The following KCNQ1 variants were observed in gnomAD, a reference collection of about 807,000 sequenced individuals.
KCNQ1 encodes potassium voltage-gated channel subfamily KQT member 1.
KCNQ1 carries 49 observed loss-of-function variants against 72.4 expected under a neutral mutation model. That is an observed-to-expected ratio of 0.68 (90% confidence interval 0.54 to 0.86). The LOEUF is 0.86. Ranked by LOEUF, KCNQ1 falls within the 40% of genes least tolerant of loss-of-function variation. KCNQ1 has a pLI of 0.00. For missense variants in KCNQ1, 790 were observed against 945.1 expected (o/e 0.84, Z 2.15); for synonymous variants, 450 against 412.6 (o/e 1.09, Z -1.10).
Position 2,761,911 on chromosome 11 carries a change from C to T in KCNQ1, c.1515-6933C>T, listed in dbSNP as rs368389934. Among the ~76,000 whole-genome samples the T allele has an allele frequency of 2.4e-3, 365 of 152,354 alleles. 3 individuals are homozygous for T. Among genetic ancestry groups the T allele is most frequent in the African/African-American group, 7.7e-3 (321 of 41,590 alleles). ...AGGGGAGGCCCGCAGCAGCTTCTAG[C>T]GGCCTGTGAAGCAGCCACGGGGCAT... is the stretch of plus-strand genomic sequence containing the variant. On this transcript the variant is annotated intron_variant, in intron 11 of 15. Transcript: ENST00000155840.
At chr11:2,797,842 C>A (rs1384242481) in intron 15 of KCNQ1, among the ~76,000 whole-genome samples, 1 of 152,174 alleles carries the variant, frequency 6.6e-6, no homozygotes, top group African/African-American at 2.4e-5. Flanking sequence ...GTGAAGCCAG[C>A]CGGTTCCCCC....
At chr11:2,644,450 G>A in intron 10 of KCNQ1, 1 of 397,894 alleles carries the variant, frequency 2.5e-6, no homozygotes. Context: ...TCTATCTCTT[G>A]GGCAAATTTC....
intron 2 of KCNQ1, among the ~76,000 whole-genome samples, chr11:2,555,815 G>A (rs1460671635): frequency 6.6e-6 from 1 of 152,232 alleles, no homozygotes; most frequent in Admixed American, 6.5e-5. Context: ...TGGGTTTTCT[G>A]GTGGAATGGG....
rs1846458942 is a variant in KCNQ1, at chr11:2,764,371, T to C, written c.1515-4473T>C. On this transcript the variant is annotated intron_variant, in intron 11 of 15. Coordinates refer to ENST00000155840, the MANE Select transcript of KCNQ1 (RefSeq NM_000218.3). The surrounding 1 kb of genome is among the most constrained non-coding windows in gnomAD (Gnocchi z 4.8). Reference sequence around the variant, plus strand: ...GTGACGCTGCTTGGTCCTTAGAGGGTAAACTCAGCATGCACAAGTGGATTA... The same window carrying C: ...GTGACGCTGCTTGGTCCTTAGAGGGCAAACTCAGCATGCACAAGTGGATTA... Among the ~76,000 whole-genome samples, 1 of 152,208 alleles carries C rather than the reference T, an allele frequency of 6.6e-6. No homozygotes were observed. The highest frequency in any genetic ancestry group is 2.4e-5 in the African/African-American group (1 of 41,460).
rs988245580 is a variant in KCNQ1 at position 2,783,359 on chromosome 11, G to T, written c.1794+5322G>T. On this transcript the variant is annotated intron_variant, in intron 15 of 15. Coordinates refer to ENST00000155840, the MANE Select transcript of KCNQ1 (RefSeq NM_000218.3). The surrounding 1 kb of genome is among the most constrained non-coding windows in gnomAD (Gnocchi z 5.2). ...TAGAATGTTTTGAAATATGATTTAC[G>T]GCAAAAATGTGGTCAATTTTTGTAA... 2.0e-5 allele frequency among the ~76,000 whole-genome samples: 3 copies of T among 151,956 alleles called. 1 individual carries two copies. The highest frequency in any genetic ancestry group is 4.4e-5 in the Non-Finnish European group (3 of 67,920).
intron 15 of KCNQ1, among the ~76,000 whole-genome samples, chr11:2,801,300 G>A (rs927868955): frequency 4.6e-5 from 7 of 152,218 alleles, no homozygotes; most frequent in African/African-American, 7.2e-5. Flanking sequence ...CTGTAGGGGC[G>A]GGCACTCACC....
intron 15 of KCNQ1, among the ~76,000 whole-genome samples, chr11:2,829,353 A>G (rs1847898748): frequency 6.6e-6 from 1 of 152,234 alleles, no homozygotes; most frequent in African/African-American, 2.4e-5. Context: ...AGTATTCTCA[A>G]TAGGATGAAA....
chr11:2,571,825 G>C (rs1264363083), intron 4 of KCNQ1, among the ~76,000 whole-genome samples, 188 bp from the exon 5 acceptor site: 2 of 152,134 alleles, frequency 1.3e-5, no homozygotes, highest in East Asian at 3.9e-4. Context: ...GCAGGCTCTG[G>C]GGGGCTGCGC....
rs751253543 is a variant in KCNQ1, at chr11:2,698,461, T to A, written c.1514+36380T>A. ...AGACTGAGACCTGCATCTGATCAAC[T>A]CTCATCTCCAATATGACCAAGAGAC... On this transcript the variant is annotated intron_variant, in intron 11 of 15. Transcript: ENST00000155840. The surrounding 1 kb of genome is among the most constrained non-coding windows in gnomAD (Gnocchi z 5.1). 7 of 398,262 alleles carry A rather than the reference T, an allele frequency of 1.8e-5. No homozygotes were observed. Among genetic ancestry groups the A allele is most frequent in the Non-Finnish European group, 2.7e-5 (6 of 226,048 alleles). 24.7% of individuals were successfully genotyped at this position (398,262 alleles called of 1,614,324 possible). A position where few individuals can be genotyped will look rare whatever the true frequency, so the allele number is the denominator to read the frequency against.
In KCNQ1 at chr11:2,648,906, T is replaced by C. The variant is rs549705930; in HGVS notation, c.1394-13055T>C. ...ACTCCAGTGTTGTTGGTTGCATATA[T>C]AATTGTTATATCTTCTTGCTGAATT... On this transcript the variant is annotated intron_variant, in intron 10 of 15. Coordinates refer to ENST00000155840, the MANE Select transcript of KCNQ1 (RefSeq NM_000218.3). The C allele has an allele frequency of 7.5e-6, 3 of 398,360 alleles. No homozygotes were observed. In the East Asian group the frequency reaches 1.1e-4, roughly 14 times the overall value. The allele number at this position is 398,360 out of a possible 1,614,324, so 24.7% of individuals were successfully genotyped here.
At chr11:2,517,343 C>T (rs1014097814) in intron 1 of KCNQ1, among the ~76,000 whole-genome samples, 2 of 152,076 alleles carry the variant, frequency 1.3e-5, no homozygotes, top group African/African-American at 2.4e-5. Context: ...GTGGGAAGCT[C>T]CTGGGACACC....
In KCNQ1 at chr11:2,809,598, G is replaced by A. The variant is rs1847446653; in HGVS notation, c.1794+31561G>A. Among the ~76,000 whole-genome samples, 1 of 152,072 alleles carries A rather than the reference G, an allele frequency of 6.6e-6. No homozygotes were observed. Among genetic ancestry groups the A allele is most frequent in the Non-Finnish European group, 1.5e-5 (1 of 68,028 alleles). On this transcript the variant is annotated intron_variant, in intron 15 of 15. Transcript: ENST00000155840. This position sits in a 1 kb window ranked among gnomAD's most constrained non-coding sequence, Gnocchi z 7.1. ...CTTCTCAGTTCTTCGTTTCCAGTTGGACTCATCTCCTGACTGGTTGGGTTT... is the reference window on the plus strand; with the variant it reads ...CTTCTCAGTTCTTCGTTTCCAGTTGAACTCATCTCCTGACTGGTTGGGTTT...
Position 2,772,651 on chromosome 11 carries a change from G to A in KCNQ1, c.1591-3309G>A, listed in dbSNP as rs1846621922. On this transcript the variant is annotated intron_variant, in intron 12 of 15. Coordinates refer to ENST00000155840, the MANE Select transcript of KCNQ1 (RefSeq NM_000218.3). This position sits in a 1 kb window ranked among gnomAD's most constrained non-coding sequence, Gnocchi z 6.6. ...ACACCAGGTAAGGCTGTGGCTGAAGGTGCAGGGAGCTCTCTGCTGATAGGC... is the reference window on the plus strand; with the variant it reads ...ACACCAGGTAAGGCTGTGGCTGAAGATGCAGGGAGCTCTCTGCTGATAGGC... Among the ~76,000 whole-genome samples, 1 of 152,172 alleles carries A rather than the reference G, an allele frequency of 6.6e-6. No individual in the cohort carries two copies. The highest frequency in any genetic ancestry group is 2.1e-4 in the South Asian group (1 of 4,828).
At chr11:2,529,000 A>C (rs890116279) in intron 2 of KCNQ1, among the ~76,000 whole-genome samples, 41 of 152,280 alleles carry the variant, frequency 2.7e-4, no homozygotes, top group African/African-American at 9.1e-4. Flanking sequence ...AGCCCTGACC[A>C]GGTTAACTGT....
Position 2,766,907 on chromosome 11 carries a change from G to T in KCNQ1, c.1515-1937G>T, listed in dbSNP as rs566316375. 7.2e-5 allele frequency among the ~76,000 whole-genome samples: 11 copies of T among 152,210 alleles called. No individual in the cohort carries two copies. The highest frequency in any genetic ancestry group is 4.1e-4 in the South Asian group (2 of 4,832). On this transcript the variant is annotated intron_variant, in intron 11 of 15. Coordinates refer to ENST00000155840, the MANE Select transcript of KCNQ1 (RefSeq NM_000218.3). This position sits in a 1 kb window ranked among gnomAD's most constrained non-coding sequence, Gnocchi z 4.4. ...CAAATATTTTCTTTGGGCCGGGCATGGTGGCTCATGCCTGTAATCCCAGCA... is the reference window on the plus strand; with the variant it reads ...CAAATATTTTCTTTGGGCCGGGCATTGTGGCTCATGCCTGTAATCCCAGCA...
At chr11:2,530,927 G>A (rs965207208) in intron 2 of KCNQ1, among the ~76,000 whole-genome samples, 5 of 152,136 alleles carry the variant, frequency 3.3e-5, no homozygotes, top group South Asian at 2.1e-4. Flanking sequence ...CATCCCTCAC[G>A]TACTAACCTG....
chr11:2,792,526 C>T (rs540617229), intron 15 of KCNQ1, among the ~76,000 whole-genome samples: 1 of 152,226 alleles, frequency 6.6e-6, no homozygotes, highest in Non-Finnish European at 1.5e-5. Flanking sequence ...CCAGGCCTTT[C>T]AAGAAGAGGT....
Position 2,698,553 on chromosome 11 carries a change from C to T in KCNQ1, c.1514+36472C>T. On this transcript the variant is annotated intron_variant, in intron 11 of 15. Transcript: ENST00000155840. The surrounding 1 kb of genome is among the most constrained non-coding windows in gnomAD (Gnocchi z 5.1). ...AACTCAGACTGCAACCTTTACTTCG[C>T]CCCCTAATTCCTGACTCAGAATCCC... 1 of 398,514 alleles carries T rather than the reference C, an allele frequency of 2.5e-6. No individual in the cohort carries two copies. The highest frequency in any genetic ancestry group is 2.1e-5 in the African/African-American group (1 of 48,678). 24.7% of individuals were successfully genotyped at this position (398,514 alleles called of 1,614,324 possible).
intron 1 of KCNQ1, among the ~76,000 whole-genome samples, chr11:2,505,103 C>G (rs975293435): frequency 5.3e-5 from 8 of 151,464 alleles, no homozygotes; most frequent in Admixed American, 3.3e-4. Context: ...GCAGGACATG[C>G]AGGTTTGTTA....
Sources: gnomAD v4.1 joint callset for allele counts (sites outside exome capture counted in the v4.1 genomes callset) on GRCh38, gnomAD v4.1.1 for gene constraint, Gnocchi (gnomAD v3.1) non-coding constraint, MANE v1.5 for transcripts, NCBI Gene and HGNC (gene_info 2026-07-23, HGNC 2026-07-21) for gene names.